Variants in SLC25A10 observed in about 807,000 individuals in gnomAD.
SLC25A10 encodes the protein mitochondrial dicarboxylate carrier.
SLC25A10 carries 32 observed loss-of-function variants against 40.4 expected under a neutral mutation model. That is an observed-to-expected ratio of 0.79 (90% CI 0.60 to 1.06). The LOEUF (loss-of-function observed/expected upper bound fraction) is 1.06, where lower values mean the gene tolerates loss of function less well. Ranked by LOEUF, SLC25A10 falls within the 50% of genes least tolerant of loss-of-function variation. SLC25A10 has a pLI of 0.00. For missense variants in SLC25A10, 394 were observed against 402.6 expected, an observed-to-expected ratio of 0.98 and a Z score of 0.18; for synonymous variants, 181 against 171.1, an observed-to-expected ratio of 1.06 and a Z score of -0.45.
chr17:81,712,853 T>A (rs1043873343), intron 1 of SLC25A10, among the ~76,000 whole-genome samples: 4 of 152,214 alleles, frequency 2.6e-5, no homozygotes, highest in Non-Finnish European at 5.9e-5. Flanking sequence ...CCCACCCCCA[T>A]ACATTCAAGA....
Position 81,718,985 on chromosome 17 carries a change from C to A in SLC25A10, c.706-846C>A, listed in dbSNP as rs139015121. On this transcript the variant is annotated intron_variant, in intron 9 of 10. Coordinates refer to ENST00000350690, the MANE Select transcript of SLC25A10 (RefSeq NM_012140.5). ...AAACAAAAAAAAACACATTTCTTTT[C>A]TTTCTTTTTTTTTTCCCCTCATTGC... 6.8e-3 allele frequency among the ~76,000 whole-genome samples: 1,027 copies of A among 151,324 alleles called. 12 individuals are homozygous for A. The highest frequency in any genetic ancestry group is 0.024 in the African/African-American group (981 of 41,338).
intron 2 of SLC25A10, 32 bp downstream of exon 2, chr17:81,715,104 G>T (rs774438376): frequency 6.2e-7 from 1 of 1,603,222 alleles, no homozygotes; most frequent in Non-Finnish European, 8.5e-7. Flanking sequence ...TGGGCTCCCA[G>T]ACTGGGGCTG....
In SLC25A10 at chr17:81,715,547, G is replaced by A. The variant is rs1417326381; in HGVS notation, c.283G>A (p.Gly95Arg). The change falls in exon 3 of 11, where the codon GGG becomes AGG. Residue 95 changes from glycine (G) to arginine (R), a missense_variant. By Grantham distance (125) the Gly-to-Arg change is moderately radical. Coordinates refer to ENST00000350690, the MANE Select transcript of SLC25A10 (RefSeq NM_012140.5). ...VRDRVAKGSQ[G>R]PLPFHEKVLL... The stretch of plus-strand genomic sequence containing the variant: ...GGACCGTGTGGCCAAGGGCAGCCAG[G>A]GGCCTCTCCCCTTCCACGAGAAGGT... 2 of 1,612,962 alleles carry A rather than the reference G, an allele frequency of 1.2e-6. No homozygotes were observed. The highest frequency in any genetic ancestry group is 1.3e-5 in the African/African-American group (1 of 75,060).
chr17:81,715,584 C>A lies in SLC25A10; in HGVS notation c.320C>A (p.Ser107Tyr). ...TTCCACGAGAAGGTGTTGCTGGGCT[C>A]CGTCAGCGGTGAGCTGCCGGGCGGG... ...LPFHEKVLLG[S>Y]VSGLAGGFVG... Residue 107 changes from serine (S) to tyrosine (Y), a missense_variant, in exon 3 of 11, where the codon TCC becomes TAC. Ser to Tyr is a moderately radical substitution (Grantham distance 144, BLOSUM62 -2). Coordinates refer to ENST00000350690, the MANE Select transcript of SLC25A10 (RefSeq NM_012140.5). 1.2e-6 allele frequency: 2 copies of A among 1,612,824 alleles called. No individual in the cohort carries two copies. Among genetic ancestry groups the A allele is most frequent in the Non-Finnish European group, 1.7e-6 (2 of 1,179,770 alleles).
At chr17:81,717,686 C>T (rs118086689) in intron 8 of SLC25A10, 98 bp from the exon 9 acceptor site, 6 of 1,443,354 alleles carry the variant, frequency 4.2e-6, no homozygotes, top group East Asian at 2.5e-5. Flanking sequence ...GTTCCTGGCC[C>T]GCCCTAGGAG....
intron 1 of SLC25A10, chr17:81,713,345 C>G (rs529619905): frequency 1.8e-6 from 1 of 545,338 alleles, no homozygotes; most frequent in African/African-American, 2.0e-5. Context: ...CACAGTCTGC[C>G]CAGCAGGCCC....
At position 81,715,748 on chromosome 17, in the gene SLC25A10, G is replaced by GT. The variant is rs1757356557; in HGVS notation, c.377+9dup. The GT allele has an allele frequency of 3.1e-6, 5 of 1,613,200 alleles. No individual in the cohort carries two copies. Among genetic ancestry groups the GT allele is most frequent in the Non-Finnish European group, 4.2e-6 (5 of 1,179,906 alleles). ...CAGACTTGGTCAACGTCAGGTTGGT[G>GT]TTCCCCCACCCCACCTGCAAGGCCA... On this transcript the variant is annotated splice_region_variant and intron_variant, in intron 4 of 10. Coordinates refer to ENST00000350690, the MANE Select transcript of SLC25A10 (RefSeq NM_012140.5).
At position 81,719,759 on chromosome 17, in the gene SLC25A10, C is replaced by T. The variant is rs945314720; in HGVS notation, c.706-72C>T. 3 of 1,584,210 alleles carry T rather than the reference C, an allele frequency of 1.9e-6. No individual in the cohort carries two copies. The African/African-American group carries it at 4.0e-5, about 21-fold the overall frequency. On this transcript the variant is annotated intron_variant, in intron 9 of 10. Coordinates refer to ENST00000350690, the MANE Select transcript of SLC25A10 (RefSeq NM_012140.5). ...CCCAGGCCACCGTGCCTGGCTGGTG[C>T]CTGGGAGGGGATTTTCGTTGCCTTT...
intron 1 of SLC25A10, among the ~76,000 whole-genome samples, chr17:81,714,689 A>G (rs1226385550): frequency 1.3e-5 from 2 of 152,166 alleles, no homozygotes; most frequent in African/African-American, 4.8e-5. Context: ...GAGAATGGCG[A>G]GCCCCTGCGG....
chr17:81,718,071 C>T (rs929750198), intron 9 of SLC25A10, among the ~76,000 whole-genome samples: 3 of 152,186 alleles, frequency 2.0e-5, no homozygotes, highest in African/African-American at 4.8e-5. Context: ...CTTGGCCCGG[C>T]GCAGTGGCTC....
intron 1 of SLC25A10, among the ~76,000 whole-genome samples, chr17:81,712,930 G>C (rs1186974857): frequency 1.3e-5 from 2 of 152,240 alleles, no homozygotes; most frequent in African/African-American, 4.8e-5. Flanking sequence ...TTGGCATCTA[G>C]AGACGTGCTG....
chr17:81,716,649 G>A (rs1484750359), intron 5 of SLC25A10, 163 bp from the exon 6 acceptor site: 6 of 682,610 alleles, frequency 8.8e-6, no homozygotes, highest in Non-Finnish European at 1.5e-5. Context: ...CGAGGTGGCT[G>A]TGGGACGTCA....
intron 1 of SLC25A10, among the ~76,000 whole-genome samples, chr17:81,714,417 T>G (rs985077133): frequency 6.6e-6 from 1 of 152,236 alleles, no homozygotes; most frequent in Non-Finnish European, 1.5e-5. Context: ...GAGGCCGCTA[T>G]GCCCTGCCGC....
intron 9 of SLC25A10, among the ~76,000 whole-genome samples, chr17:81,718,970 A>C (rs1367957239): frequency 6.6e-6 from 1 of 151,768 alleles, no homozygotes; most frequent in East Asian, 1.9e-4. Context: ...AAACAAAAAA[A>C]AACACATTTC....
In SLC25A10 at chr17:81,713,495, C is replaced by G. The variant is rs1049011309; in HGVS notation, c.93+976C>G. The G allele has an allele frequency of 1.3e-5, 13 of 985,280 alleles. No individual in the cohort carries two copies. In the African/African-American group the frequency reaches 1.7e-4, roughly 13 times the overall value. The allele number at this position is 985,280 out of a possible 1,614,324, so 61.0% of individuals were successfully genotyped here. On this transcript the variant is annotated intron_variant, in intron 1 of 10. Coordinates refer to ENST00000350690, the MANE Select transcript of SLC25A10 (RefSeq NM_012140.5). ...TAATGAGCAACAATGCTGGTCGCTG[C>G]GTGAAGGCCAGGTGAGCAGATGTGG...
rs1178897190 is a variant in SLC25A10, at chr17:81,717,505, A to G, written c.627+14A>G. On this transcript the variant is annotated intron_variant, in intron 8 of 10. Coordinates refer to ENST00000350690, the MANE Select transcript of SLC25A10 (RefSeq NM_012140.5). ...AGCTTTATTGCAGTAAGTGGCCGGCATGGCTAGGGTGGGCGTCCCTGGGCC... is the reference window on the plus strand; with the variant it reads ...AGCTTTATTGCAGTAAGTGGCCGGCGTGGCTAGGGTGGGCGTCCCTGGGCC... 1.2e-6 allele frequency: 2 copies of G among 1,612,988 alleles called. No homozygotes were observed. The highest frequency in any genetic ancestry group is 1.7e-6 in the Non-Finnish European group (2 of 1,179,610).
At chr17:81,719,779 G>T (rs1391826941) in intron 9 of SLC25A10, 52 bp from the exon 10 acceptor site, 3 of 1,606,754 alleles carry the variant, frequency 1.9e-6, no homozygotes, top group Non-Finnish European at 2.6e-6. Flanking sequence ...GATTTTCGTT[G>T]CCTTTTGGGT....
chr17:81,715,396 G>A (rs1410073415), intron 2 of SLC25A10, 82 bp from the exon 3 acceptor site: 6 of 1,257,656 alleles, frequency 4.8e-6, no homozygotes, highest in African/African-American at 4.4e-5. Flanking sequence ...TCGGGCTGAG[G>A]GGGATCCCTG....
chr17:81,717,376 T>A, intron 7 of SLC25A10, 23 bp from the exon 8 acceptor site: 3 of 1,612,336 alleles, frequency 1.9e-6, no homozygotes, highest in Non-Finnish European at 2.5e-6. Context: ...CCTACAGCCC[T>A]GACCGCCCTT....
Sources: allele counts gnomAD v4.1 joint callset (sites outside exome capture counted in the v4.1 genomes callset), GRCh38; gene constraint gnomAD v4.1.1; transcripts MANE v1.5; gene names NCBI Gene and HGNC (gene_info 2026-07-23, HGNC 2026-07-21).